Variants in ARHGEF28 observed in about 807,000 individuals in gnomAD.
The protein encoded by ARHGEF28 is 190 kDa guanine nucleotide exchange factor.
ARHGEF28 carries 152 observed loss-of-function variants against 206.6 expected under a neutral mutation model. The observed-to-expected ratio is 0.74, with a 90% CI of 0.64 to 0.84. ARHGEF28 has a LOEUF of 0.84. ARHGEF28 is among the 40% of genes least tolerant of loss of function. ARHGEF28 has a pLI of 0.00. For missense variants in ARHGEF28, 2,028 were observed against 2,073.2 expected, an observed-to-expected ratio of 0.98 and a Z score of 0.42; for synonymous variants, 763 against 776.4, an observed-to-expected ratio of 0.98 and a Z score of 0.29.
intron 4 of ARHGEF28, among the ~76,000 whole-genome samples, chr5:73,760,443 A>G (rs73763114): frequency 0.015 from 2,234 of 152,142 alleles, 41 homozygotes; most frequent in African/African-American, 0.051. Context: ...CCTTCTGTCA[A>G]TTCTGATAGT....
chr5:73,762,470 A>G (rs1335497736), intron 4 of ARHGEF28, among the ~76,000 whole-genome samples: 1 of 151,482 alleles, frequency 6.6e-6, no homozygotes, highest in Middle Eastern at 3.4e-3. Flanking sequence ...AAAAAAAAAA[A>G]AAAAACAAAA....
intron 9 of ARHGEF28, among the ~76,000 whole-genome samples, chr5:73,807,487 C>CTTTTTTTTTTTTTT (rs577924923): frequency 7.0e-6 from 1 of 142,314 alleles, no homozygotes. Context: ...CAATGTAATT[C>CTTTTTTTTTTTTTT]TTTTTTTTTT....
chr5:73,756,818 A>AT (rs1752338293), intron 4 of ARHGEF28, among the ~76,000 whole-genome samples: 1 of 152,222 alleles, frequency 6.6e-6, no homozygotes, highest in Non-Finnish European at 1.5e-5. Flanking sequence ...ATTGTATTAG[A>AT]TACTAGGTAG....
At chr5:73,708,269 T>C (rs141416091) in intron 2 of ARHGEF28, among the ~76,000 whole-genome samples, 1 of 152,242 alleles carries the variant, frequency 6.6e-6, no homozygotes, top group African/African-American at 2.4e-5. Context: ...TGCATGATGC[T>C]GAAGTTTGGG....
chr5:73,639,131 G>T (rs2112134145), intron 1 of ARHGEF28, among the ~76,000 whole-genome samples: 1 of 61,086 alleles, frequency 1.6e-5, no homozygotes, highest in Non-Finnish European at 3.0e-5. Flanking sequence ...TACAAAGTAG[G>T]TTTTCAAATG....
chr5:73,823,577 A>G (rs1241091642), intron 9 of ARHGEF28, among the ~76,000 whole-genome samples: 1 of 152,200 alleles, frequency 6.6e-6, no homozygotes, highest in African/African-American at 2.4e-5. Flanking sequence ...AAATGAGATA[A>G]TGTATCTACT....
chr5:73,887,707 A>T, intron 26 of ARHGEF28, 28 bp downstream of exon 26: 1 of 1,508,686 alleles, frequency 6.6e-7, no homozygotes, highest in Non-Finnish European at 8.9e-7. Context: ...TGATGTATTT[A>T]AAAAATAGGT....
At chr5:73,673,781 G>A (rs980419315) in intron 1 of ARHGEF28, among the ~76,000 whole-genome samples, 2 of 151,898 alleles carry the variant, frequency 1.3e-5, no homozygotes, top group South Asian at 2.1e-4. Context: ...TCTCTTAATC[G>A]TCACAACAGT....
At chr5:73,932,800 CTTTTTTTTTTTTTTTT>C (rs386404110) in intron 35 of ARHGEF28, among the ~76,000 whole-genome samples, 3 of 73,422 alleles carry the variant, frequency 4.1e-5, no homozygotes, top group Non-Finnish European at 7.5e-5. Flanking sequence ...TTTCCTATTT[CTTTTTTTTTTTTTTTT>C]TTTTTTTTTT....
intron 18 of ARHGEF28, among the ~76,000 whole-genome samples, chr5:73,867,468 C>G (rs1171230812): frequency 1.3e-5 from 2 of 152,190 alleles, no homozygotes; most frequent in Non-Finnish European, 2.9e-5. Flanking sequence ...GACGTGTTCT[C>G]TGTGTGTGGA....
intron 25 of ARHGEF28, 59 bp downstream of exon 25, chr5:73,886,163 G>T: frequency 6.6e-7 from 1 of 1,523,302 alleles, no homozygotes; most frequent in Non-Finnish European, 8.8e-7. Context: ...TTTAACAGAG[G>T]ACAGATTTTC....
intron 29 of ARHGEF28, among the ~76,000 whole-genome samples, chr5:73,894,918 G>A (rs140020534): frequency 4.7e-4 from 71 of 152,180 alleles, no homozygotes; most frequent in African/African-American, 1.6e-3. Flanking sequence ...TTGAGGGAGA[G>A]TCTTCCAGGC....
rs775602979 is a variant in ARHGEF28 at position 73,941,291 on chromosome 5, G to C, written c.*278G>C. On this transcript the variant is annotated 3_prime_UTR_variant, in exon 36 of 36. Coordinates refer to ENST00000513042, the MANE Select transcript of ARHGEF28 (RefSeq NM_001177693.2). ...TATTTTAAAAGTTGTTTTGACGCTAGAGTAAAATTCCATGTCACATTTTCT... is the reference window on the plus strand; with the variant it reads ...TATTTTAAAAGTTGTTTTGACGCTACAGTAAAATTCCATGTCACATTTTCT... 1 of 175,748 alleles carries C rather than the reference G, an allele frequency of 5.7e-6. No homozygotes were observed. The highest frequency in any genetic ancestry group is 1.2e-5 in the Non-Finnish European group (1 of 83,482). The allele number at this position is 175,748 out of a possible 1,614,324, so 10.9% of individuals were successfully genotyped here.
rs898560894 is a variant in ARHGEF28, at chr5:73,765,890, C to T, written c.476-7965C>T. ...ATTGTGGGCTGGGCGCGGTGGCTCA[C>T]GCCTGTAATCCCAGCACTTTGGGAG... is the stretch of plus-strand genomic sequence containing the variant. On this transcript the variant is annotated intron_variant, in intron 4 of 35. Transcript: ENST00000513042. Among the ~76,000 whole-genome samples the T allele has an allele frequency of 7.9e-5, 12 of 152,272 alleles. 1 individual carries two copies. In the East Asian group the frequency reaches 1.5e-3, roughly 20 times the overall value.
chr5:73,642,145 G>A (rs959908735), intron 1 of ARHGEF28, among the ~76,000 whole-genome samples: 3 of 152,162 alleles, frequency 2.0e-5, no homozygotes, highest in African/African-American at 4.8e-5. Context: ...AAGAGGTTAT[G>A]TTCCACTCAA....
At chr5:73,868,255 T>TTGTG (rs1759841519) in intron 20 of ARHGEF28, 28 bp downstream of exon 20, 1 of 1,533,324 alleles carries the variant, frequency 6.5e-7, no homozygotes, top group Non-Finnish European at 8.8e-7. Flanking sequence ...TTCCATTTAT[T>TTGTG]TGTGTTTTTG....
intron 9 of ARHGEF28, among the ~76,000 whole-genome samples, chr5:73,824,822 C>T (rs1756803850): frequency 6.6e-6 from 1 of 151,804 alleles, no homozygotes; most frequent in African/African-American, 2.4e-5. Flanking sequence ...ATCCTGGGCC[C>T]AGCAGGTTGC....
At chr5:73,686,365 A>T (rs115704649) in intron 2 of ARHGEF28, among the ~76,000 whole-genome samples, 1 of 152,134 alleles carries the variant, frequency 6.6e-6, no homozygotes, top group Non-Finnish European at 1.5e-5. Flanking sequence ...GAAGCCTTGT[A>T]GCTGACCGAC....
chr5:73,928,903 C>G (rs1281981953), intron 35 of ARHGEF28, among the ~76,000 whole-genome samples: 2 of 152,074 alleles, frequency 1.3e-5, no homozygotes, highest in East Asian at 3.9e-4. Context: ...TTTAATTCAG[C>G]GCGCTCAGAA....
Sources: allele counts gnomAD v4.1 joint callset (sites outside exome capture counted in the v4.1 genomes callset), GRCh38; gene constraint gnomAD v4.1.1; transcripts MANE v1.5; gene names NCBI Gene and HGNC (gene_info 2026-07-23, HGNC 2026-07-21).